The following POLA2 variants were observed in gnomAD, a reference collection of about 807,000 sequenced individuals.
POLA2 encodes DNA polymerase alpha 2, accessory subunit.
Under a neutral mutation model 82.8 loss-of-function variants are expected in POLA2, and 47 were observed. The ratio of observed to expected loss-of-function variants is 0.57; its 90% CI spans 0.45 to 0.72. The LOEUF (loss-of-function observed/expected upper bound fraction) is 0.72. Ranked by LOEUF, POLA2 falls within the 30% of genes least tolerant of loss-of-function variation. The pLI is 0.00. For missense variants in POLA2, 634 were observed against 728.1 expected (o/e 0.87, Z 1.49); for synonymous variants, 287 against 286.8 (o/e 1.00, Z -0.01).
intron 13 of POLA2, among the ~76,000 whole-genome samples, chr11:65,291,968 G>A (rs192258561): frequency 6.6e-6 from 1 of 152,342 alleles, no homozygotes; most frequent in African/African-American, 2.4e-5. Context: ...GGCTAAGCAC[G>A]GGGCTCACGC....
intron 1 of POLA2, among the ~76,000 whole-genome samples, chr11:65,263,837 A>G (rs886263639): frequency 1.3e-5 from 2 of 152,090 alleles, no homozygotes; most frequent in African/African-American, 4.8e-5. Context: ...CAAAAAAAAA[A>G]AAAAGACTTA....
At chr11:65,286,159 G>C (rs1949695362) in intron 10 of POLA2, among the ~76,000 whole-genome samples, 1 of 152,148 alleles carries the variant, frequency 6.6e-6, no homozygotes, top group Admixed American at 6.5e-5. Context: ...GAAATGTTAG[G>C]CTGCTGTGAT....
In POLA2 at chr11:65,278,879, G is replaced by A; in HGVS notation, c.611G>A (p.Gly204Glu). 6.2e-7 allele frequency: 1 copy of A among 1,613,686 alleles called. No individual in the cohort carries two copies. The highest frequency in any genetic ancestry group is 1.7e-5 in the Admixed American group (1 of 59,996). Residue 204 changes from glycine (G) to glutamate (E), a missense_variant, in exon 6 of 18, where the codon GGG (glycine) becomes GAG (glutamate). Transcript: ENST00000265465. ...TTGGGATGTCCAGAGGCACTAACTGGGAGCTACAAATCCATGTTTCAGAAG... is the reference window on the plus strand; with the variant it reads ...TTGGGATGTCCAGAGGCACTAACTGAGAGCTACAAATCCATGTTTCAGAAG... Reference protein sequence around the residue: ...KVLGCPEALTGSYKSMFQKLP... With the variant: ...KVLGCPEALTESYKSMFQKLP...
At chr11:65,285,960 A>C (rs889767690) in intron 10 of POLA2, among the ~76,000 whole-genome samples, 2 of 152,160 alleles carry the variant, frequency 1.3e-5, no homozygotes, top group Non-Finnish European at 2.9e-5. Flanking sequence ...ACCATGATAG[A>C]CTGAATCACA....
chr11:65,279,011 C>G, intron 6 of POLA2, 88 bp downstream of exon 6: 2 of 1,202,668 alleles, frequency 1.7e-6, no homozygotes, highest in South Asian at 2.9e-5. Flanking sequence ...GCTGGTAGAA[C>G]AAGTTCCAAG....
intron 6 of POLA2, among the ~76,000 whole-genome samples, 170 bp from the exon 7 acceptor site, chr11:65,279,368 A>G (rs1402823967): frequency 1.3e-5 from 2 of 152,194 alleles, no homozygotes; most frequent in Non-Finnish European, 2.9e-5. Flanking sequence ...GCAACCAAAT[A>G]TCGGAAAATT....
At position 65,297,491 on chromosome 11, in the gene POLA2, A is replaced by G. The variant is rs968064061; in HGVS notation, c.*222A>G. 2.6e-5 allele frequency: 11 copies of G among 430,076 alleles called. No homozygotes were observed. The South Asian group carries it at 5.5e-4, about 21-fold the overall frequency. The allele number at this position is 430,076 out of a possible 1,614,324, so 26.6% of individuals were successfully genotyped here. ...GAAGGAAGCTCTTGCTTCTCAGTCC[A>G]TGCTCCGTGTCCAGAAGTAAGCCAG... On this transcript the variant is annotated 3_prime_UTR_variant, in exon 18 of 18. Coordinates refer to ENST00000265465, the MANE Select transcript of POLA2 (RefSeq NM_002689.4).
intron 13 of POLA2, 56 bp from the exon 14 acceptor site, chr11:65,294,097 C>T: frequency 2.0e-6 from 3 of 1,468,404 alleles, no homozygotes; most frequent in Non-Finnish European, 2.9e-6. Flanking sequence ...CGCAGCTGTT[C>T]TAACTCAACT....
In POLA2 at chr11:65,262,107, C is replaced by G. The variant is rs1440680743; in HGVS notation, c.-186C>G. The G allele has an allele frequency of 6.9e-6, 4 of 579,682 alleles. No homozygotes were observed. The highest frequency in any genetic ancestry group is 1.2e-5 in the Non-Finnish European group (4 of 326,572). The allele number at this position is 579,682 out of a possible 1,614,324, so 35.9% of individuals were successfully genotyped here. On this transcript the variant is annotated 5_prime_UTR_variant, in exon 1 of 18. Coordinates refer to ENST00000265465, the MANE Select transcript of POLA2 (RefSeq NM_002689.4). ...TTCATTTTTTAAAAAAAGTATTTCT[C>G]TGTGACCGACGGCCGGGGCCTTCTG...
intron 10 of POLA2, 146 bp downstream of exon 10, chr11:65,282,667 G>A (rs890058531): frequency 2.9e-5 from 21 of 712,406 alleles, no homozygotes; most frequent in Middle Eastern, 2.4e-4. Context: ...TCATGAGTTC[G>A]TAGGTTTTTT....
chr11:65,277,749 G>T (rs1207125891), intron 5 of POLA2, among the ~76,000 whole-genome samples: 2 of 152,240 alleles, frequency 1.3e-5, no homozygotes, highest in Non-Finnish European at 2.9e-5. Flanking sequence ...ATGGCTCATG[G>T]AGCTTCCCAG....
intron 5 of POLA2, among the ~76,000 whole-genome samples, chr11:65,276,532 C>G (rs1344170947): frequency 1.3e-5 from 2 of 152,056 alleles, no homozygotes; most frequent in African/African-American, 4.8e-5. Context: ...GGTATTTTGT[C>G]CCTCTGCCAC....
At chr11:65,275,869 T>C in intron 4 of POLA2, 23 bp from the exon 5 acceptor site, 1 of 1,412,354 alleles carries the variant, frequency 7.1e-7, no homozygotes, top group African/African-American at 1.4e-5. Flanking sequence ...GACTGAGATT[T>C]TGTTTTCCTT....
chr11:65,263,709 C>T (rs1205108513), intron 1 of POLA2, among the ~76,000 whole-genome samples: 1 of 151,976 alleles, frequency 6.6e-6, no homozygotes. Context: ...TGCCTGTAAT[C>T]CCAGCTACTC....
At position 65,275,880 on chromosome 11, in the gene POLA2, T is replaced by C; in HGVS notation, c.355-12T>C. The C allele has an allele frequency of 6.4e-7, 1 of 1,552,438 alleles. No individual in the cohort carries two copies. The highest frequency in any genetic ancestry group is 8.9e-7 in the Non-Finnish European group (1 of 1,127,878). ...GTAGGACTGAGATTTTGTTTTCCTT[T>C]TTTTTCCCTAGGGTTCTCAGAAGCG... is the stretch of plus-strand genomic sequence containing the variant. On this transcript the variant is annotated splice_polypyrimidine_tract_variant and intron_variant, in intron 4 of 17. Coordinates refer to ENST00000265465, the MANE Select transcript of POLA2 (RefSeq NM_002689.4).
intron 9 of POLA2, among the ~76,000 whole-genome samples, chr11:65,282,177 C>G (rs1242432065): frequency 6.6e-6 from 1 of 152,228 alleles, no homozygotes. Context: ...CCATCCTTGC[C>G]TAGAAGTACA....
chr11:65,299,402 C>T (rs1949845593), downstream of POLA2, among the ~76,000 whole-genome samples: 1 of 152,234 alleles, frequency 6.6e-6, no homozygotes, highest in African/African-American at 2.4e-5. Context: ...CTTTAGGGTT[C>T]CAGTCTCTGA....
intron 10 of POLA2, among the ~76,000 whole-genome samples, chr11:65,283,512 C>A (rs1283013333): frequency 6.6e-6 from 1 of 152,094 alleles, no homozygotes; most frequent in Non-Finnish European, 1.5e-5. Flanking sequence ...CTCTGCCCCC[C>A]AGGCTGGAGT....
chr11:65,278,978 T>C, intron 6 of POLA2, 55 bp downstream of exon 6: 2 of 1,504,924 alleles, frequency 1.3e-6, no homozygotes, highest in Non-Finnish European at 1.8e-6. Flanking sequence ...TAGAAGGGTG[T>C]AGAGTAACAA....
Sources: gnomAD v4.1 joint callset for allele counts (sites outside exome capture counted in the v4.1 genomes callset) on GRCh38, gnomAD v4.1.1 for gene constraint, MANE v1.5 for transcripts, NCBI Gene and HGNC (gene_info 2026-07-23, HGNC 2026-07-21) for gene names.